The following RFPL1 variants were observed in gnomAD, a reference collection of about 807,000 sequenced individuals.
The protein encoded by RFPL1 is ret finger protein like 1.
Under a neutral mutation model 9.6 loss-of-function variants are expected in RFPL1, and 6 were observed. The ratio of observed to expected loss-of-function variants is 0.62; its 90% CI spans 0.34 to 1.23. The LOEUF (loss-of-function observed/expected upper bound fraction) is 1.23, where lower values mean the gene tolerates loss of function less well. RFPL1 is among the 50% of genes most tolerant of loss of function. The probability of loss-of-function intolerance (pLI) is 0.03; values close to 1 mark genes in which losing one functional copy is unlikely to be tolerated. For missense variants in RFPL1, 352 were observed against 398.4 expected (o/e 0.88, Z 0.99); for synonymous variants, 145 against 149.4 (o/e 0.97, Z 0.22).
the RFPL1 span, among the ~76,000 whole-genome samples, chr22:29,395,748 G>GACACCCA: frequency 6.6e-6 from 1 of 152,122 alleles, no homozygotes; most frequent in Non-Finnish European, 1.5e-5. Context: ...TTAGGCAGGT[G>GACACCCA]GATCACCTGA....
chr22:29,392,068 TTTGTTG>T, the RFPL1 span, among the ~76,000 whole-genome samples: 1 of 152,206 alleles, frequency 6.6e-6, no homozygotes, highest in African/African-American at 2.4e-5. Flanking sequence ...GTAGAAGGTT[TTTGTTG>T]TTGTTGTTGT....
chr22:29,388,131 T>A, the RFPL1 span, among the ~76,000 whole-genome samples: 2 of 151,210 alleles, frequency 1.3e-5, no homozygotes, highest in Non-Finnish European at 2.9e-5. Flanking sequence ...GCCCGAAGAG[T>A]TTTCCCTCAG....
the RFPL1 span, among the ~76,000 whole-genome samples, chr22:29,421,354 T>C: frequency 6.6e-6 from 1 of 151,992 alleles, no homozygotes; most frequent in African/African-American, 2.4e-5. Context: ...GGAGAATTGC[T>C]TGAACCCAGG....
the RFPL1 span, among the ~76,000 whole-genome samples, chr22:29,390,553 C>T: frequency 1.3e-5 from 2 of 149,884 alleles, no homozygotes; most frequent in African/African-American, 2.5e-5. Context: ...GGTAAAATAC[C>T]GTTATCTAAA....
At chr22:29,394,373 C>T in the RFPL1 span, among the ~76,000 whole-genome samples, 3 of 150,980 alleles carry the variant, frequency 2.0e-5, no homozygotes, top group East Asian at 1.9e-4. Flanking sequence ...GACGGAGTCT[C>T]GCTGTGTCGT....
At chr22:29,438,354 T>C (rs2146365372), upstream of RFPL1, 1 of 173,160 alleles carries the variant, frequency 5.8e-6, no homozygotes, top group Middle Eastern at 2.8e-3. Context: ...GGCTAATTCT[T>C]TTGTATTTTC....
At chr22:29,395,657 C>T in the RFPL1 span, among the ~76,000 whole-genome samples, 1 of 152,156 alleles carries the variant, frequency 6.6e-6, no homozygotes, top group African/African-American at 2.4e-5. Context: ...GCTGAACTAC[C>T]CTCCGCCGAT....
chr22:29,439,191 T>C, intron 1 of RFPL1, 27 bp downstream of exon 1: 2 of 1,600,720 alleles, frequency 1.2e-6, no homozygotes, highest in Non-Finnish European at 1.7e-6. Flanking sequence ...CACTGCCCCC[T>C]TCCTACGACC....
At chr22:29,419,962 G>A in the RFPL1 span, among the ~76,000 whole-genome samples, 5 of 152,128 alleles carry the variant, frequency 3.3e-5, no homozygotes, top group African/African-American at 4.8e-5. Context: ...CCAGTGGAAG[G>A]CAAAGCTGTC....
At chr22:29,401,153 T>C in the RFPL1 span, among the ~76,000 whole-genome samples, 1 of 152,256 alleles carries the variant, frequency 6.6e-6, no homozygotes, top group Non-Finnish European at 1.5e-5. Context: ...GTATATGCTG[T>C]TATGACAATA....
the RFPL1 span, among the ~76,000 whole-genome samples, chr22:29,403,279 C>T: frequency 5.3e-5 from 8 of 151,276 alleles, no homozygotes; most frequent in Admixed American, 2.6e-4. Context: ...GAAATGGGAA[C>T]AAACTTGTTT....
At chr22:29,395,786 A>T in the RFPL1 span, among the ~76,000 whole-genome samples, 6 of 152,140 alleles carry the variant, frequency 3.9e-5, no homozygotes, top group African/African-American at 1.2e-4. Context: ...CAGCCTGGCC[A>T]ATATGGTGAA....
At chr22:29,426,622 G>A in the RFPL1 span, among the ~76,000 whole-genome samples, 1 of 152,252 alleles carries the variant, frequency 6.6e-6, no homozygotes, top group African/African-American at 2.4e-5. Flanking sequence ...CATGATGGGT[G>A]CCTGTAATCC....
At chr22:29,414,779 A>G in the RFPL1 span, among the ~76,000 whole-genome samples, 15 of 148,756 alleles carry the variant, frequency 1.0e-4, no homozygotes, top group Non-Finnish European at 2.2e-4. Context: ...GTAGCCCCAT[A>G]CTTTAAGATT....
At chr22:29,410,267 T>G in the RFPL1 span, among the ~76,000 whole-genome samples, 7 of 129,540 alleles carry the variant, frequency 5.4e-5, no homozygotes, top group Admixed American at 8.8e-5. Flanking sequence ...TAGATATATA[T>G]ATCTATATAT....
chr22:29,440,568 T>A (rs2062833281), intron 1 of RFPL1: 1 of 152,108 alleles, frequency 6.6e-6, no homozygotes, highest in Admixed American at 6.6e-5. Context: ...GACGAACAAC[T>A]TTCTTTTTTT....
At chr22:29,410,471 T>TAG in the RFPL1 span, among the ~76,000 whole-genome samples, 1 of 79,932 alleles carries the variant, frequency 1.3e-5, no homozygotes, top group Non-Finnish European at 2.3e-5. Context: ...TATCTATATA[T>TAG]AGATATATAT....
At chr22:29,416,087 C>T in the RFPL1 span, among the ~76,000 whole-genome samples, 3 of 152,144 alleles carry the variant, frequency 2.0e-5, no homozygotes, top group Admixed American at 6.5e-5. Flanking sequence ...TAGAGAATCC[C>T]TGTCCCCTTC....
chr22:29,412,711 T>A, the RFPL1 span, among the ~76,000 whole-genome samples: 1 of 152,086 alleles, frequency 6.6e-6, no homozygotes, highest in Non-Finnish European at 1.5e-5. Context: ...CAGAGATGAG[T>A]TCTAGATCAC....
Sources: allele counts gnomAD v4.1 joint callset (sites outside exome capture counted in the v4.1 genomes callset), GRCh38; gene constraint gnomAD v4.1.1; transcripts MANE v1.5; gene names NCBI Gene and HGNC (gene_info 2026-07-23, HGNC 2026-07-21).